Variants in ARHGAP10 observed in about 807,000 individuals in gnomAD.
The protein encoded by ARHGAP10 is Rho GTPase activating protein 10, also known as rho GTPase-activating protein 10.
ARHGAP10 carries 87 observed loss-of-function variants against 108.6 expected under a neutral mutation model. That is an observed-to-expected ratio of 0.80 (90% CI 0.67 to 0.96). The LOEUF (loss-of-function observed/expected upper bound fraction) is 0.96, where lower values mean the gene tolerates loss of function less well. ARHGAP10 is among the 40% of genes least tolerant of loss of function. The pLI, the probability that ARHGAP10 is intolerant of heterozygous loss-of-function variation, is 0.00. For missense variants in ARHGAP10, 939 were observed against 954.5 expected (o/e 0.98, Z 0.21); for synonymous variants, 347 against 341.1 (o/e 1.02, Z -0.19).
At chr4:147,755,614 T>C (rs973556626) in intron 1 of ARHGAP10, among the ~76,000 whole-genome samples, 2 of 152,232 alleles carry the variant, frequency 1.3e-5, no homozygotes, top group African/African-American at 4.8e-5. Flanking sequence ...ATTGGCCTTT[T>C]CTTTGGCGAG....
intron 7 of ARHGAP10, among the ~76,000 whole-genome samples, chr4:147,868,677 G>C (rs963603583): frequency 6.6e-6 from 1 of 152,198 alleles, no homozygotes; most frequent in Non-Finnish European, 1.5e-5. Context: ...TAGATGCAGT[G>C]GGGGTGGGAG....
At chr4:147,747,449 T>C (rs1260888293) in intron 1 of ARHGAP10, among the ~76,000 whole-genome samples, 1 of 152,230 alleles carries the variant, frequency 6.6e-6, no homozygotes, top group Non-Finnish European at 1.5e-5. Flanking sequence ...AATAAATGCT[T>C]ACAAAAGATA....
At chr4:147,909,557 G>GT (rs560247132) in intron 11 of ARHGAP10, among the ~76,000 whole-genome samples, 175 bp from the exon 12 acceptor site, 108 of 152,238 alleles carry the variant, frequency 7.1e-4, no homozygotes, top group African/African-American at 2.6e-3. Context: ...AATCCCAAGA[G>GT]TTTAGATGCT....
intron 18 of ARHGAP10, among the ~76,000 whole-genome samples, chr4:147,995,535 A>G (rs1226186347): frequency 6.6e-6 from 1 of 152,180 alleles, no homozygotes; most frequent in Non-Finnish European, 1.5e-5. Flanking sequence ...TTTCTTGTCT[A>G]CTTATTATTA....
chr4:147,779,233 C>T (rs1160194041), intron 1 of ARHGAP10, among the ~76,000 whole-genome samples: 1 of 152,070 alleles, frequency 6.6e-6, no homozygotes, highest in Non-Finnish European at 1.5e-5. Flanking sequence ...CCAGAGGAGT[C>T]ATGCTGGAGC....
chr4:147,984,986 G>A (rs767088242), intron 18 of ARHGAP10, among the ~76,000 whole-genome samples: 5 of 152,162 alleles, frequency 3.3e-5, no homozygotes, highest in Non-Finnish European at 5.9e-5. Context: ...TCCAATGGGT[G>A]GCTACTAGGC....
chr4:147,804,491 G>GT (rs1731703574), intron 1 of ARHGAP10, among the ~76,000 whole-genome samples: 1 of 152,192 alleles, frequency 6.6e-6, no homozygotes, highest in South Asian at 2.1e-4. Flanking sequence ...ATGGTAGAAT[G>GT]ATTTCTATTC....
intron 1 of ARHGAP10, among the ~76,000 whole-genome samples, chr4:147,781,560 G>A (rs372500442): frequency 1.3e-5 from 2 of 151,922 alleles, no homozygotes; most frequent in Admixed American, 6.6e-5. Context: ...TTAAAAAAGG[G>A]TATAGTAGTC....
intron 1 of ARHGAP10, among the ~76,000 whole-genome samples, chr4:147,742,134 T>C (rs562810032): frequency 2.6e-4 from 39 of 152,200 alleles, no homozygotes; most frequent in African/African-American, 9.2e-4. Flanking sequence ...CAGGTCAGAA[T>C]ACAGGATGTG....
intron 1 of ARHGAP10, among the ~76,000 whole-genome samples, chr4:147,768,898 C>T (rs1245022175): frequency 2.0e-5 from 3 of 151,990 alleles, no homozygotes; most frequent in Non-Finnish European, 4.4e-5. Flanking sequence ...ACTACTATAC[C>T]TGGCTAATTT....
intron 10 of ARHGAP10, among the ~76,000 whole-genome samples, chr4:147,884,481 A>G (rs192829174): frequency 4.2e-4 from 64 of 152,348 alleles, no homozygotes; most frequent in African/African-American, 1.5e-3. Context: ...CCCTTATTAA[A>G]GAGGCATAGG....
intron 1 of ARHGAP10, among the ~76,000 whole-genome samples, chr4:147,812,712 G>A (rs1325548118): frequency 6.6e-6 from 1 of 152,204 alleles, no homozygotes; most frequent in African/African-American, 2.4e-5. Flanking sequence ...GGTCTGAGCA[G>A]TGTTTGTTCC....
intron 1 of ARHGAP10, among the ~76,000 whole-genome samples, chr4:147,781,681 C>CTTTTTTTTTTT (rs56781517): frequency 3.8e-5 from 5 of 130,570 alleles, no homozygotes; most frequent in Admixed American, 7.7e-5. Flanking sequence ...CTTTTCTTTT[C>CTTTTTTTTTTT]TTTTTTTTTT....
chr4:147,767,212 C>G (rs1002126777), intron 1 of ARHGAP10, among the ~76,000 whole-genome samples: 1 of 152,124 alleles, frequency 6.6e-6, no homozygotes, highest in Non-Finnish European at 1.5e-5. Flanking sequence ...TTAAACCCAT[C>G]AGTTCCTAAG....
chr4:148,057,417 G>A (rs1186993723), intron 20 of ARHGAP10, among the ~76,000 whole-genome samples: 1 of 152,184 alleles, frequency 6.6e-6, no homozygotes, highest in Non-Finnish European at 1.5e-5. Context: ...GTGCTGTCTT[G>A]TCAAAACAGG....
At chr4:147,759,591 CCT>C (rs1334387091) in intron 1 of ARHGAP10, among the ~76,000 whole-genome samples, 2 of 148,248 alleles carry the variant, frequency 1.3e-5, no homozygotes, top group Admixed American at 6.7e-5. Context: ...CCCCCCCCCC[CCT>C]TTAAAAAGGA....
At chr4:147,786,266 T>C (rs1730885059) in intron 1 of ARHGAP10, among the ~76,000 whole-genome samples, 1 of 152,186 alleles carries the variant, frequency 6.6e-6, no homozygotes, top group African/African-American at 2.4e-5. Context: ...GCATTCATGT[T>C]ACTATGAAAA....
At chr4:147,900,703 G>A (rs573531736) in intron 10 of ARHGAP10, among the ~76,000 whole-genome samples, 5 of 152,278 alleles carry the variant, frequency 3.3e-5, no homozygotes, top group Admixed American at 6.5e-5. Context: ...AACTTTCTCA[G>A]TTCTAATTCT....
chr4:147,941,900 C>T (rs777005531), intron 14 of ARHGAP10, among the ~76,000 whole-genome samples: 3 of 152,000 alleles, frequency 2.0e-5, no homozygotes, highest in Non-Finnish European at 4.4e-5. Flanking sequence ...GTGGACTTGT[C>T]TCTTTTTTCT....
Sources: gnomAD v4.1 joint callset for allele counts (sites outside exome capture counted in the v4.1 genomes callset) on GRCh38, gnomAD v4.1.1 for gene constraint, MANE v1.5 for transcripts, NCBI Gene and HGNC (gene_info 2026-07-23, HGNC 2026-07-21) for gene names.